CDH12: variants seen among roughly 807,000 people sequenced by gnomAD.
CDH12 encodes the protein cadherin-12.
Under a neutral mutation model 74.1 loss-of-function variants are expected in CDH12, and 41 were observed. The observed-to-expected ratio is 0.55, with a 90% CI of 0.43 to 0.72. CDH12 has a LOEUF of 0.72. Among genes scored for constraint, CDH12 ranks in the 30% least tolerant of loss-of-function variants. The pLI is 0.00. For synonymous variants in CDH12, 399 were observed against 355.0 expected, an observed-to-expected ratio of 1.12 and a Z score of -1.39; for missense variants, 945 against 977.2, an observed-to-expected ratio of 0.97 and a Z score of 0.44.
intron 4 of CDH12, among the ~76,000 whole-genome samples, chr5:22,111,783 A>G (rs1272527969): frequency 6.6e-6 from 1 of 152,180 alleles, no homozygotes; most frequent in Non-Finnish European, 1.5e-5. Context: ...TATCATAAAC[A>G]AAGAGAAAGT....
rs1053638889 is a variant in CDH12, at chr5:22,555,718, G to A, written c.-522-50354C>T. On this transcript the variant is annotated intron_variant, in intron 1 of 14. Transcript: ENST00000382254. ...GCTTTAGACCTATTTTTCAATTCAG[G>A]GCTTCCTTAAGGATTTATTTATTTC... Among the ~76,000 whole-genome samples the A allele has an allele frequency of 3.3e-5, 5 of 151,550 alleles. No individual in the cohort carries two copies. In the East Asian group the frequency reaches 7.7e-4, roughly 23 times the overall value.
At chr5:22,326,639 A>G (rs561704715) in intron 3 of CDH12, among the ~76,000 whole-genome samples, 1 of 152,320 alleles carries the variant, frequency 6.6e-6, no homozygotes, top group East Asian at 1.9e-4. Context: ...AGTATCCTAG[A>G]CACACAGGAA....
At chr5:22,269,721 A>C (rs900321020) in intron 3 of CDH12, among the ~76,000 whole-genome samples, 1 of 152,192 alleles carries the variant, frequency 6.6e-6, no homozygotes, top group Non-Finnish European at 1.5e-5. Flanking sequence ...TGCTTACAGA[A>C]TATTATGAGA....
chr5:22,826,817 G>C (rs779801587), intron 1 of CDH12, among the ~76,000 whole-genome samples: 1 of 152,160 alleles, frequency 6.6e-6, no homozygotes, highest in Non-Finnish European at 1.5e-5. Flanking sequence ...TTCAAGAGGT[G>C]ATTTGGGAGC....
In CDH12 at chr5:22,584,359, C is replaced by T. The variant is rs772001837; in HGVS notation, c.-522-78995G>A. Among the ~76,000 whole-genome samples, 4 of 152,286 alleles carry T rather than the reference C, an allele frequency of 2.6e-5. No individual in the cohort carries two copies. In the East Asian group the frequency reaches 7.7e-4, roughly 29 times the overall value. On this transcript the variant is annotated intron_variant, in intron 1 of 14. Coordinates refer to ENST00000382254, the MANE Select transcript of CDH12 (RefSeq NM_004061.5). ...AGGTGATCCATCTGCCTCGGCTTCC[C>T]GAAGTGCTGGGATTATAGGTGTGAG...
intron 1 of CDH12, among the ~76,000 whole-genome samples, chr5:22,843,700 T>C (rs902028438): frequency 6.6e-6 from 1 of 151,928 alleles, no homozygotes; most frequent in Admixed American, 6.6e-5. Context: ...CAAAAATGTT[T>C]TGAAAGATAT....
chr5:22,111,304 A>C (rs1371334610), intron 4 of CDH12, among the ~76,000 whole-genome samples: 1 of 152,168 alleles, frequency 6.6e-6, no homozygotes, highest in African/African-American at 2.4e-5. Context: ...CTAAAGAGAG[A>C]TATACCTTTA....
chr5:22,266,556 C>A (rs1034742107), intron 3 of CDH12, among the ~76,000 whole-genome samples: 1 of 152,046 alleles, frequency 6.6e-6, no homozygotes, highest in South Asian at 2.1e-4. Context: ...TTGTATATCA[C>A]CACTATATAC....
At chr5:21,894,624 C>T (rs1753041287) in intron 6 of CDH12, among the ~76,000 whole-genome samples, 1 of 152,024 alleles carries the variant, frequency 6.6e-6, no homozygotes, top group Non-Finnish European at 1.5e-5. Context: ...GAAAATCTTT[C>T]TTTATACAGC....
At chr5:21,868,855 C>A (rs1751470578) in intron 6 of CDH12, among the ~76,000 whole-genome samples, 1 of 152,094 alleles carries the variant, frequency 6.6e-6, no homozygotes, top group Non-Finnish European at 1.5e-5. Flanking sequence ...GGGCTACTGG[C>A]ATAGAATGAA....
intron 1 of CDH12, among the ~76,000 whole-genome samples, chr5:22,623,958 A>T (rs1161810423): frequency 6.6e-6 from 1 of 152,224 alleles, no homozygotes; most frequent in Non-Finnish European, 1.5e-5. Context: ...TACTGGTACC[A>T]AAACAGAGAT....
intron 1 of CDH12, among the ~76,000 whole-genome samples, chr5:22,517,593 A>G (rs1397486023): frequency 6.6e-6 from 1 of 152,224 alleles, no homozygotes; most frequent in Non-Finnish European, 1.5e-5. Flanking sequence ...TTAAACTACA[A>G]ACTACAATCT....
At chr5:22,536,280 C>G (rs1737837453) in intron 1 of CDH12, among the ~76,000 whole-genome samples, 1 of 152,204 alleles carries the variant, frequency 6.6e-6, no homozygotes, top group African/African-American at 2.4e-5. Flanking sequence ...TTGCCATCAA[C>G]AAATGGTCAC....
At chr5:21,835,169 C>T (rs922675644) in intron 8 of CDH12, among the ~76,000 whole-genome samples, 1 of 151,780 alleles carries the variant, frequency 6.6e-6, no homozygotes, top group South Asian at 2.1e-4. Context: ...ATAACAAAGT[C>T]AGCAGTACAT....
intron 3 of CDH12, among the ~76,000 whole-genome samples, chr5:22,266,138 C>A (rs1736093139): frequency 6.6e-6 from 1 of 151,840 alleles, no homozygotes; most frequent in Admixed American, 6.6e-5. Flanking sequence ...TGCAATGGCA[C>A]AATCTCGGCT....
chr5:22,802,953 A>G (rs1180738625), intron 1 of CDH12, among the ~76,000 whole-genome samples: 2 of 152,164 alleles, frequency 1.3e-5, no homozygotes, highest in Non-Finnish European at 2.9e-5. Flanking sequence ...AATTCATCAT[A>G]AAGACCCAAA....
chr5:22,100,454 T>C (rs1744071560), intron 4 of CDH12, among the ~76,000 whole-genome samples: 1 of 152,136 alleles, frequency 6.6e-6, no homozygotes, highest in Non-Finnish European at 1.5e-5. Context: ...CCATAATTCC[T>C]GGCAAAAACA....
chr5:22,194,318 T>G (rs1321496389), intron 4 of CDH12, among the ~76,000 whole-genome samples: 3 of 151,038 alleles, frequency 2.0e-5, no homozygotes, highest in African/African-American at 4.9e-5. Flanking sequence ...CTTTTTTTTT[T>G]TTTTGTTTTG....
At chr5:22,384,540 AG>A (rs67216118) in intron 3 of CDH12, among the ~76,000 whole-genome samples, 18 of 138,154 alleles carry the variant, frequency 1.3e-4, no homozygotes, top group East Asian at 2.1e-4. Context: ...AAAAAAAAAA[AG>A]AAAAAGAAAA....
Sources: allele counts gnomAD v4.1 joint callset (sites outside exome capture counted in the v4.1 genomes callset), GRCh38; gene constraint gnomAD v4.1.1; transcripts MANE v1.5; gene names NCBI Gene and HGNC (gene_info 2026-07-23, HGNC 2026-07-21).